Variants in DMD observed in about 807,000 individuals in gnomAD.
DMD encodes the protein dystrophin, also known as mutant dystrophin.
A neutral mutation model predicts 330.1 loss-of-function variants in DMD; 63 were observed. The ratio of observed to expected loss-of-function variants is 0.19; its 90% CI spans 0.16 to 0.24. The LOEUF is 0.24. Ranked by LOEUF, DMD falls within the 10% of genes least tolerant of loss-of-function variation. The pLI is 1.00. For missense variants in DMD, 3,344 were observed against 2,684.1 expected, an observed-to-expected ratio of 1.25 and a Z score of -5.43; for synonymous variants, 1,223 against 959.8, an observed-to-expected ratio of 1.27 and a Z score of -5.07.
intron 71 of DMD, among the ~76,000 whole-genome samples, chrX:31,177,672 A>C (rs183467345): frequency 1.8e-3 from 199 of 110,941 alleles, no homozygotes; most frequent in African/African-American, 6.2e-3. Context: ...ATTTGAATTC[A>C]AGCCAGGATT....
At chrX:31,287,127 C>T (rs1243109411) in intron 62 of DMD, among the ~76,000 whole-genome samples, 2 of 112,339 alleles carry the variant, frequency 1.8e-5, no homozygotes, top group African/African-American at 6.5e-5. Context: ...GTACAAACCA[C>T]AGCCTAGGAG....
chrX:31,721,478 A>C (rs1486258572), intron 52 of DMD, among the ~76,000 whole-genome samples: 1 of 108,979 alleles, frequency 9.2e-6, no homozygotes, highest in Non-Finnish European at 1.9e-5. Flanking sequence ...CTTTGGACTC[A>C]AGATTGCAAC....
At chrX:32,248,647 T>C (rs1171292082) in intron 43 of DMD, among the ~76,000 whole-genome samples, 1 of 110,292 alleles carries the variant, frequency 9.1e-6, no homozygotes, top group African/African-American at 3.3e-5. Context: ...AACACAATAC[T>C]ATTAATTTTA....
chrX:31,764,539 C>T (rs763046959), intron 51 of DMD, among the ~76,000 whole-genome samples: 1 of 112,019 alleles, frequency 8.9e-6, no homozygotes, highest in Admixed American at 9.5e-5. Context: ...GAGTAAATTA[C>T]TCTCTCCAAA....
intron 43 of DMD, among the ~76,000 whole-genome samples, chrX:32,279,524 C>A (rs2097404705): frequency 9.0e-6 from 1 of 110,876 alleles, no homozygotes; most frequent in African/African-American, 3.3e-5. Flanking sequence ...ATGGATGGAA[C>A]TGGAGGTCAT....
chrX:31,523,285 A>G (rs2072998752), intron 55 of DMD, among the ~76,000 whole-genome samples: 1 of 111,244 alleles, frequency 9.0e-6, no homozygotes, highest in Non-Finnish European at 1.9e-5. Context: ...CTGCAGAAAT[A>G]TTTATAAACA....
chrX:32,907,135 T>G (rs1224488582), intron 2 of DMD, among the ~76,000 whole-genome samples: 1 of 112,072 alleles, frequency 8.9e-6, no homozygotes, highest in Non-Finnish European at 1.9e-5. Context: ...TAATGCAAGC[T>G]TCACTTAACT....
At chrX:31,568,148 T>A (rs761798549) in intron 55 of DMD, among the ~76,000 whole-genome samples, 15 of 111,444 alleles carry the variant, frequency 1.3e-4, no homozygotes, top group Middle Eastern at 4.6e-3. Context: ...AACATATAAG[T>A]TGAATTCTCT....
intron 52 of DMD, among the ~76,000 whole-genome samples, chrX:31,695,224 T>G (rs965142178): frequency 9.0e-6 from 1 of 110,851 alleles, no homozygotes; most frequent in African/African-American, 3.3e-5. Flanking sequence ...AAATTAAAAC[T>G]ATTGAACTCA....
chrX:32,488,969 C>G (rs775553594), intron 20 of DMD, among the ~76,000 whole-genome samples: 2 of 111,138 alleles, frequency 1.8e-5, no homozygotes, highest in Non-Finnish European at 3.8e-5. Flanking sequence ...TTACCTAATT[C>G]TAACTTATCA....
chrX:31,984,480 AT>A (rs1465975830), intron 44 of DMD, among the ~76,000 whole-genome samples: 1 of 112,339 alleles, frequency 8.9e-6, no homozygotes, highest in African/African-American at 3.2e-5. Flanking sequence ...CAATTGTGGT[AT>A]TTCTGCTGTT....
intron 76 of DMD, among the ~76,000 whole-genome samples, chrX:31,136,593 G>A (rs1003334679): frequency 8.9e-6 from 1 of 112,037 alleles, no homozygotes; most frequent in African/African-American, 3.2e-5. Flanking sequence ...CATGAACGAC[G>A]CTCATGAACA....
At chrX:32,520,559 C>T (rs2046318334) in intron 17 of DMD, among the ~76,000 whole-genome samples, 2 of 111,617 alleles carry the variant, frequency 1.8e-5, no homozygotes, top group African/African-American at 6.5e-5. Flanking sequence ...TTTCCCAGCT[C>T]CCTTGCCCCT....
At chrX:31,648,397 T>C (rs1165653227) in intron 54 of DMD, among the ~76,000 whole-genome samples, 2 of 108,502 alleles carry the variant, frequency 1.8e-5, no homozygotes, top group Non-Finnish European at 3.8e-5. Flanking sequence ...TAGCTCTGTG[T>C]TTCAGAAATG....
At chrX:31,428,905 A>G (rs972941552) in intron 60 of DMD, among the ~76,000 whole-genome samples, 7 of 111,554 alleles carry the variant, frequency 6.3e-5, no homozygotes, top group Non-Finnish European at 1.3e-4. Context: ...GCAGATCACG[A>G]GGTCAGGAGT....
At chrX:32,382,234 C>A (rs994761615) in intron 33 of DMD, among the ~76,000 whole-genome samples, 4 of 111,552 alleles carry the variant, frequency 3.6e-5, no homozygotes, top group Admixed American at 2.9e-4. Flanking sequence ...AAGGTAGACT[C>A]CAGATTAATT....
chrX:32,695,384 G>A (rs1039300854), intron 9 of DMD, among the ~76,000 whole-genome samples: 3 of 111,926 alleles, frequency 2.7e-5, no homozygotes, highest in Non-Finnish European at 5.6e-5. Flanking sequence ...GTGGGAGAAC[G>A]AGTGATGTAA....
Position 31,185,791 on chromosome X carries a change from C to T in DMD, c.9808-2887G>A, listed in dbSNP as rs139602033. 4.6e-3 allele frequency among the ~76,000 whole-genome samples: 496 copies of T among 108,640 alleles called. 1 individual carries two copies. The highest frequency in any genetic ancestry group is 0.015 in the African/African-American group (454 of 29,819). 94.3% of individuals were successfully genotyped at this position (108,640 alleles called of 115,157 possible). A position where few individuals can be genotyped will look rare whatever the true frequency, so the allele number is the denominator to read the frequency against. On this transcript the variant is annotated intron_variant, in intron 67 of 78. Transcript: ENST00000357033. ...TGTTTTTTGTTTTTTTTTTTTACCA[C>T]GTACTAAACTGACCTTACCAATATT... is the stretch of plus-strand genomic sequence containing the variant.
At chrX:31,208,358 G>A (rs1259511881) in intron 65 of DMD, among the ~76,000 whole-genome samples, 1 of 112,192 alleles carries the variant, frequency 8.9e-6, no homozygotes, top group Non-Finnish European at 1.9e-5. Flanking sequence ...TCTTCAAGGA[G>A]TTAAAATTGT....
Sources: gnomAD v4.1 joint callset for allele counts (sites outside exome capture counted in the v4.1 genomes callset) on GRCh38, gnomAD v4.1.1 for gene constraint, MANE v1.5 for transcripts, NCBI Gene and HGNC (gene_info 2026-07-23, HGNC 2026-07-21) for gene names.